Variants in CDK14 observed in about 807,000 individuals in gnomAD.
The protein encoded by CDK14 is cyclin-dependent kinase 14.
A neutral mutation model predicts 60.7 loss-of-function variants in CDK14; 34 were observed. The ratio of observed to expected loss-of-function variants is 0.56; its 90% CI spans 0.43 to 0.75. The LOEUF (loss-of-function observed/expected upper bound fraction) is 0.75, where lower values mean the gene tolerates loss of function less well. Ranked by LOEUF, CDK14 falls within the 30% of genes least tolerant of loss-of-function variation. CDK14 has a pLI of 0.00. For missense variants in CDK14, 482 were observed against 564.1 expected, an observed-to-expected ratio of 0.85 and a Z score of 1.47; for synonymous variants, 197 against 203.7, an observed-to-expected ratio of 0.97 and a Z score of 0.28.
intron 9 of CDK14, among the ~76,000 whole-genome samples, chr7:90,959,157 G>T (rs1191721657): frequency 2.0e-5 from 3 of 152,086 alleles, no homozygotes; most frequent in Non-Finnish European, 2.9e-5. Flanking sequence ...GTGGAAAGGA[G>T]GAAAACTGAT....
intron 10 of CDK14, among the ~76,000 whole-genome samples, chr7:91,002,996 T>A (rs1795883113): frequency 6.6e-6 from 1 of 152,072 alleles, no homozygotes; most frequent in Non-Finnish European, 1.5e-5. Flanking sequence ...GGCATGCACC[T>A]GGGAGGCGGA....
intron 2 of CDK14, among the ~76,000 whole-genome samples, chr7:90,678,261 G>A (rs1261009253): frequency 6.6e-6 from 1 of 152,206 alleles, no homozygotes; most frequent in Non-Finnish European, 1.5e-5. Flanking sequence ...GGGAACAGCA[G>A]AGGAGGAGAG....
intron 14 of CDK14, among the ~76,000 whole-genome samples, chr7:91,148,732 T>C (rs747013571): frequency 1.3e-5 from 2 of 152,184 alleles, no homozygotes; most frequent in Non-Finnish European, 2.9e-5. Context: ...GGTGTATAAA[T>C]AGGCCGCTGG....
At chr7:90,900,150 A>G (rs899892528) in intron 7 of CDK14, among the ~76,000 whole-genome samples, 1 of 152,178 alleles carries the variant, frequency 6.6e-6, no homozygotes, top group Non-Finnish European at 1.5e-5. Context: ...CACCTGGGAA[A>G]CTTTCTATGT....
At position 90,682,718 on chromosome 7, in the gene CDK14, A is replaced by G. The variant is rs375056612; in HGVS notation, c.124-43849A>G. Among the ~76,000 whole-genome samples the G allele has an allele frequency of 1.2e-4, 19 of 152,308 alleles. No homozygotes were observed. In the East Asian group the frequency reaches 3.1e-3, roughly 25 times the overall value. ...TGCAGAACCAAGTGTAGAATCATGC[A>G]TTACATTTACTTGTCATATCTTTTT... On this transcript the variant is annotated intron_variant, in intron 2 of 14. Transcript: ENST00000380050.
At chr7:90,924,144 G>C (rs963471647) in intron 8 of CDK14, among the ~76,000 whole-genome samples, 5 of 152,198 alleles carry the variant, frequency 3.3e-5, no homozygotes, top group African/African-American at 7.2e-5. Context: ...AGGTTGAGGG[G>C]CTCCTTTTGT....
rs562253217 is a variant in CDK14, at chr7:91,160,522, A to T, written c.*28+42314A>T. On this transcript the variant is annotated intron_variant, in intron 14 of 14. Transcript: ENST00000380050. ...TGGGGGGGGATATAAATTCATATAC[A>T]TAGCCTGCAGTCTATAAATACTTGT... 9.2e-5 allele frequency among the ~76,000 whole-genome samples: 14 copies of T among 152,300 alleles called. No individual in the cohort carries two copies. In the East Asian group the frequency reaches 2.1e-3, roughly 23 times the overall value.
chr7:91,152,387 G>GCTAT (rs1323550756), intron 14 of CDK14, among the ~76,000 whole-genome samples: 1 of 152,032 alleles, frequency 6.6e-6, no homozygotes, highest in Non-Finnish European at 1.5e-5. Flanking sequence ...GCATCTCTTA[G>GCTAT]CTATCTGGCA....
chr7:90,898,592 A>G (rs1470151272), intron 6 of CDK14, among the ~76,000 whole-genome samples: 2 of 152,100 alleles, frequency 1.3e-5, no homozygotes, highest in African/African-American at 2.4e-5. Flanking sequence ...TTAAAAAATT[A>G]TATATAGTTT....
intron 2 of CDK14, among the ~76,000 whole-genome samples, chr7:90,614,979 T>C (rs1799619482): frequency 1.3e-5 from 2 of 152,212 alleles, no homozygotes; most frequent in African/African-American, 4.8e-5. Context: ...TATAAGATTC[T>C]GAAATCATCT....
At position 90,603,156 on chromosome 7, in the gene CDK14, C is replaced by T. The variant is rs190485888; in HGVS notation, c.92-1062C>T. 3.3e-5 allele frequency among the ~76,000 whole-genome samples: 5 copies of T among 152,282 alleles called. No individual in the cohort carries two copies. The East Asian group carries it at 9.7e-4, about 29-fold the overall frequency. On this transcript the variant is annotated intron_variant, in intron 1 of 14. Transcript: ENST00000380050. Reference sequence around the variant, plus strand: ...CCGTAAATTTGAAACATTTCTCCAGCTAGTAGTTTCAGATAAATTAGCTAT... The same window carrying T: ...CCGTAAATTTGAAACATTTCTCCAGTTAGTAGTTTCAGATAAATTAGCTAT...
At chr7:90,917,790 C>A in intron 8 of CDK14, 66 bp downstream of exon 8, 1 of 1,527,136 alleles carries the variant, frequency 6.5e-7, no homozygotes, top group Non-Finnish European at 9.0e-7. Flanking sequence ...GATGGTGGCA[C>A]TGCATTTGTT....
At chr7:90,624,239 C>A (rs1354009476) in intron 2 of CDK14, among the ~76,000 whole-genome samples, 1 of 152,118 alleles carries the variant, frequency 6.6e-6, no homozygotes, top group East Asian at 1.9e-4. Context: ...TTCTGCTTCT[C>A]CTGAAAAGGT....
At chr7:91,056,585 C>A (rs868158169) in intron 11 of CDK14, among the ~76,000 whole-genome samples, 20 of 147,398 alleles carry the variant, frequency 1.4e-4, no homozygotes, top group African/African-American at 4.5e-4. Flanking sequence ...CAGGCCCCGG[C>A]GTGTGATGTT....
chr7:91,206,562 C>G (rs1023186870), intron 14 of CDK14, among the ~76,000 whole-genome samples: 30 of 152,120 alleles, frequency 2.0e-4, no homozygotes, highest in African/African-American at 7.2e-4. Context: ...TTTGCTTGAA[C>G]CATTCACCCA....
intron 6 of CDK14, among the ~76,000 whole-genome samples, chr7:90,870,165 A>G (rs922031649): frequency 6.6e-6 from 1 of 152,252 alleles, no homozygotes; most frequent in Non-Finnish European, 1.5e-5. Flanking sequence ...CTATGCAGTC[A>G]TAACAAAGAG....
intron 4 of CDK14, among the ~76,000 whole-genome samples, chr7:90,778,806 T>A (rs532556829): frequency 6.6e-6 from 1 of 152,216 alleles, no homozygotes; most frequent in African/African-American, 2.4e-5. Flanking sequence ...TCTTCCTTTT[T>A]TCAGCTTAAT....
chr7:90,807,137 A>G (rs2117025216), intron 5 of CDK14, among the ~76,000 whole-genome samples: 1 of 152,274 alleles, frequency 6.6e-6, no homozygotes, highest in South Asian at 2.1e-4. Flanking sequence ...CCCAGCACGC[A>G]GCTGGAGATC....
At chr7:90,751,409 C>A (rs1299138638) in intron 4 of CDK14, among the ~76,000 whole-genome samples, 1 of 152,048 alleles carries the variant, frequency 6.6e-6, no homozygotes, top group Non-Finnish European at 1.5e-5. Context: ...AATTTCATAT[C>A]CCACCAAGAT....
Sources: gnomAD v4.1 joint callset for allele counts (sites outside exome capture counted in the v4.1 genomes callset) on GRCh38, gnomAD v4.1.1 for gene constraint, MANE v1.5 for transcripts, NCBI Gene and HGNC (gene_info 2026-07-23, HGNC 2026-07-21) for gene names.